GET1: variants seen among roughly 807,000 people sequenced by gnomAD.
GET1 encodes the protein guided entry of tail-anchored proteins factor 1, also known as congenital heart disease 5 protein.
GET1 carries 20 observed loss-of-function variants against 22.6 expected under a neutral mutation model. The ratio of observed to expected loss-of-function variants is 0.89; its 90% confidence interval spans 0.62 to 1.29. The LOEUF (loss-of-function observed/expected upper bound fraction) is 1.29, where lower values mean the gene tolerates loss of function less well. Among genes scored for constraint, GET1 ranks in the 50% most tolerant of loss-of-function variants. The probability of loss-of-function intolerance (pLI) is 0.00; values close to 1 mark genes in which losing one functional copy is unlikely to be tolerated. For synonymous variants in GET1, 92 were observed against 83.8 expected (o/e 1.10, Z -0.53); for missense variants, 209 against 219.9 (o/e 0.95, Z 0.31).
downstream of GET1, chr21:39,409,996 G>T: frequency 6.5e-7 from 1 of 1,549,964 alleles, no homozygotes; most frequent in Non-Finnish European, 8.9e-7. This position sits in a 1 kb window ranked among gnomAD's most constrained non-coding sequence, Gnocchi z 4.2. Flanking sequence ...TTTTCTCTTA[G>T]AATCCTCTTG....
rs192237823 is a variant in GET1 at position 39,383,971 on chromosome 21, C to A, written c.102+3485C>A. Reference sequence around the variant, plus strand: ...GGCGAGGCTGGTCTCGAACTCCTGACCTCAGGTGATCCACCTGCCTGGGCC... The same window carrying A: ...GGCGAGGCTGGTCTCGAACTCCTGAACTCAGGTGATCCACCTGCCTGGGCC... On this transcript the variant is annotated intron_variant, in intron 1 of 4. Coordinates refer to ENST00000649170, the MANE Select transcript of GET1 (RefSeq NM_004627.6). Among the ~76,000 whole-genome samples, 139 of 151,458 alleles carry A rather than the reference C, an allele frequency of 9.2e-4. 1 individual carries two copies. In the East Asian group the frequency reaches 0.026, roughly 28 times the overall value.
Position 39,397,760 on chromosome 21 carries a change from A to T in GET1, c.*821A>T, listed in dbSNP as rs558448949. The T allele has an allele frequency of 6.6e-6, 1 of 152,274 alleles. No individual in the cohort carries two copies. Among genetic ancestry groups the T allele is most frequent in the Admixed American group, 6.5e-5 (1 of 15,292 alleles). 9.4% of individuals were successfully genotyped at this position (152,274 alleles called of 1,614,324 possible). A position where few individuals can be genotyped will look rare whatever the true frequency, so the allele number is the denominator to read the frequency against. Reference sequence around the variant, plus strand: ...AATGTTCCTTAAAACACTTTTTTCTAATTAAAATCTTTGCAAATGCTTGTG... The same window carrying T: ...AATGTTCCTTAAAACACTTTTTTCTTATTAAAATCTTTGCAAATGCTTGTG... On this transcript the variant is annotated 3_prime_UTR_variant, in exon 5 of 5. Transcript: ENST00000649170.
At chr21:39,410,807 C>G (rs555993433), downstream of GET1, 12 of 470,212 alleles carry the variant, frequency 2.6e-5, no homozygotes, top group African/African-American at 1.8e-4. Flanking sequence ...ATCATTTAAA[C>G]AACCCCTCGG....
downstream of GET1, among the ~76,000 whole-genome samples, chr21:39,401,531 A>C (rs1173371736): frequency 6.6e-6 from 1 of 152,210 alleles, no homozygotes; most frequent in South Asian, 2.1e-4. Context: ...GAATTTTATC[A>C]TTTCCTATTC....
chr21:39,393,941 T>TGCCCA (rs1169447874), intron 4 of GET1, among the ~76,000 whole-genome samples: 1 of 151,702 alleles, frequency 6.6e-6, no homozygotes, highest in African/African-American at 2.4e-5. Flanking sequence ...TGAACCACTA[T>TGCCCA]GCCCAGCCAC....
intron 4 of GET1, among the ~76,000 whole-genome samples, chr21:39,403,645 GGAGTCTCACTCTGTCGCCCAGGCTA>G (rs2038901501): frequency 6.6e-6 from 1 of 150,858 alleles, no homozygotes; most frequent in African/African-American, 2.4e-5. Flanking sequence ...TTTTTGAGAT[GGAGTCTCACTCTGTCGCCCAGGCTA>G]GAGTGCAGTG....
chr21:39,428,073 A>G (rs2075073553), intron 1 of GET1: 1 of 701,938 alleles, frequency 1.4e-6, no homozygotes, highest in African/African-American at 1.8e-5. Context: ...AATATGGGAA[A>G]ACAATAAAAC....
chr21:39,383,006 A>C (rs2037649735), intron 1 of GET1, among the ~76,000 whole-genome samples: 1 of 151,634 alleles, frequency 6.6e-6, no homozygotes, highest in East Asian at 1.9e-4. Flanking sequence ...GCTGGAGTGC[A>C]GTAGCGCAGT....
intron 4 of GET1, among the ~76,000 whole-genome samples, chr21:39,404,750 CAAAAAAAAAAA>C (rs748914343): frequency 3.4e-5 from 3 of 88,168 alleles, no homozygotes; most frequent in Non-Finnish European, 6.0e-5. Flanking sequence ...GAGACACTGT[CAAAAAAAAAAA>C]AAAAAAAAAA....
intron 4 of GET1, among the ~76,000 whole-genome samples, chr21:39,404,833 A>T (rs901917990): frequency 7.3e-6 from 1 of 136,832 alleles, no homozygotes; most frequent in East Asian, 2.1e-4. Flanking sequence ...ACATATATGT[A>T]TTTTTTTTTT....
intron 4 of GET1, among the ~76,000 whole-genome samples, chr21:39,404,504 G>A (rs2038938887): frequency 6.6e-6 from 1 of 152,088 alleles, no homozygotes; most frequent in Non-Finnish European, 1.5e-5. Flanking sequence ...CAGCACTTTG[G>A]GAGGCTGAGG....
At chr21:39,410,203 G>A (rs2039844544), downstream of GET1, 2 of 1,260,238 alleles carry the variant, frequency 1.6e-6, no homozygotes, top group Non-Finnish European at 1.2e-6. Context: ...ACAAGTGACT[G>A]TAGCCTATTT....
intron 1 of GET1, among the ~76,000 whole-genome samples, chr21:39,417,055 CAG>C (rs1432577451): frequency 6.6e-6 from 1 of 152,196 alleles, no homozygotes; most frequent in Non-Finnish European, 1.5e-5. Flanking sequence ...ATTTTTGAGA[CAG>C]AGTCTCGCTC....
At chr21:39,389,651 C>T (rs1054671481) in intron 1 of GET1, among the ~76,000 whole-genome samples, 2 of 152,202 alleles carry the variant, frequency 1.3e-5, no homozygotes, top group Admixed American at 6.5e-5. Flanking sequence ...CCTCACCCTA[C>T]AGACCCTGAC....
At chr21:39,411,816 C>T in intron 1 of GET1, 1 of 1,490,250 alleles carries the variant, frequency 6.7e-7, no homozygotes, top group East Asian at 2.3e-5. Context: ...AAAAGAACCA[C>T]AAAACCAATT....
At chr21:39,380,935 G>GGA in intron 1 of GET1, 5 of 187,970 alleles carry the variant, frequency 2.7e-5, no homozygotes, top group Non-Finnish European at 4.9e-5. Flanking sequence ...GGTAGGGTGG[G>GGA]AGACAGGTGT....
intron 4 of GET1, among the ~76,000 whole-genome samples, chr21:39,403,474 C>A (rs932518518): frequency 4.0e-5 from 6 of 151,168 alleles, no homozygotes; most frequent in African/African-American, 1.5e-4. Context: ...CTAAAGGCGC[C>A]GCCACCACGC....
At chr21:39,405,930 A>G in exon 5 of GET1, 1 of 1,611,294 alleles carries the variant, frequency 6.2e-7, no homozygotes, top group Non-Finnish European at 8.5e-7. Flanking sequence ...ATGGCTTAAT[A>G]GAATTTACCA....
chr21:39,411,713 C>G, intron 1 of GET1: 2 of 1,390,018 alleles, frequency 1.4e-6, no homozygotes. Context: ...GTAATTAAAA[C>G]ATACCTTTTG....
Sources: allele counts gnomAD v4.1 joint callset (sites outside exome capture counted in the v4.1 genomes callset), GRCh38; gene constraint gnomAD v4.1.1; non-coding constraint Gnocchi (gnomAD v3.1); transcripts MANE v1.5; gene names NCBI Gene and HGNC (gene_info 2026-07-23, HGNC 2026-07-21).